TMEM74: variants seen among roughly 807,000 people sequenced by gnomAD.
TMEM74 encodes the protein transmembrane protein 74.
TMEM74 carries 13 observed loss-of-function variants against 18.1 expected under a neutral mutation model. The observed-to-expected ratio is 0.72, with a 90% confidence interval of 0.47 to 1.14. TMEM74 has a LOEUF of 1.14. Ranked by LOEUF, TMEM74 falls within the 50% of genes most tolerant of loss-of-function variation. The pLI is 0.00. For synonymous variants in TMEM74, 159 were observed against 146.6 expected (o/e 1.08, Z -0.61); for missense variants, 372 against 375.9 (o/e 0.99, Z 0.09).
At position 108,784,885 on chromosome 8, in the gene TMEM74, G is replaced by T. The variant is rs1159134815; in HGVS notation, c.214C>A (p.Gln72Lys). Residue 72 changes from glutamine to lysine, a missense_variant, in exon 2 of 2, where the codon CAA becomes AAA. Gln to Lys is a moderately conservative substitution (Grantham distance 53). Transcript: ENST00000297459. ...GCATCTGGCTGAAGAGTACTGTTTT[G>T]CAGAGAGGAGGAGGGGGATGCTGGA... ...SSPASPSSSL[Q>K]NSTLQPDAFP... is the part of the protein sequence containing the mutation. 1 of 1,614,162 alleles carries T rather than the reference G, an allele frequency of 6.2e-7. No homozygotes were observed. Among genetic ancestry groups the T allele is most frequent in the South Asian group, 1.1e-5 (1 of 91,070 alleles).
In TMEM74 at chr8:108,782,037, T is replaced by C. The variant is rs1417754666; in HGVS notation, c.*2144A>G. The stretch of plus-strand genomic sequence containing the variant: ...ATAAATAAAAACTCAGTTGATCTCA[T>C]TTAGCTTCTATGAATAAACATTAGT... On this transcript the variant is annotated 3_prime_UTR_variant, in exon 2 of 2. Coordinates refer to ENST00000297459, the MANE Select transcript of TMEM74 (RefSeq NM_153015.3). Among the ~76,000 whole-genome samples the C allele has an allele frequency of 6.6e-6, 1 of 152,244 alleles. No homozygotes were observed. The highest frequency in any genetic ancestry group is 2.4e-5 in the African/African-American group (1 of 41,466).
intron 1 of TMEM74, among the ~76,000 whole-genome samples, chr8:108,787,230 G>A (rs1189837202): frequency 6.6e-6 from 1 of 152,174 alleles, no homozygotes; most frequent in South Asian, 2.1e-4. Context: ...TGCGCCCTGT[G>A]CGAGCAAAGC....
intron 1 of TMEM74, among the ~76,000 whole-genome samples, chr8:108,727,236 T>C (rs1813647970): frequency 6.6e-6 from 1 of 152,098 alleles, no homozygotes; most frequent in East Asian, 1.9e-4. Context: ...ACAGAAATAA[T>C]GATTTGAGTT....
At chr8:108,759,432 A>G (rs911299357) in intron 1 of TMEM74, among the ~76,000 whole-genome samples, 6 of 152,268 alleles carry the variant, frequency 3.9e-5, no homozygotes, top group African/African-American at 1.4e-4. Context: ...ATAAAAAGGT[A>G]AATATAGAAA....
At chr8:108,702,341 T>TC (rs1215962406) in intron 1 of TMEM74, among the ~76,000 whole-genome samples, 1 of 86,812 alleles carries the variant, frequency 1.2e-5, no homozygotes, top group East Asian at 3.7e-4. Flanking sequence ...TGAGACTCCA[T>TC]CTAAAAAAAA....
chr8:108,672,258 G>GA (rs1813011458), intron 1 of TMEM74, among the ~76,000 whole-genome samples: 1 of 152,070 alleles, frequency 6.6e-6, no homozygotes. Flanking sequence ...AGGAAAAGAA[G>GA]AAAAAATTGT....
At chr8:108,704,324 C>T (rs1813369833) in intron 1 of TMEM74, among the ~76,000 whole-genome samples, 1 of 152,146 alleles carries the variant, frequency 6.6e-6, no homozygotes, top group African/African-American at 2.4e-5. Context: ...CTATTCATCC[C>T]ATGCTTTCAT....
rs779524352 is a variant in TMEM74 at position 108,761,645 on chromosome 8, G to A, written n.119+25831C>T. Among the ~76,000 whole-genome samples, 37 of 152,148 alleles carry A rather than the reference G, an allele frequency of 2.4e-4. 1 individual carries two copies. The highest frequency in any genetic ancestry group is 2.9e-4 in the Non-Finnish European group (20 of 67,978). On this transcript the variant is annotated intron_variant and non_coding_transcript_variant, in intron 1 of 3. Coordinates refer to the TMEM74 transcript ENST00000518838. ...TCAGAGAAGCCACAGGCAAAAATAT[G>A]TTACCCTCTTCCTATTCTCCTATCT...
chr8:108,746,570 C>T (rs1468215545), intron 1 of TMEM74, among the ~76,000 whole-genome samples: 2 of 152,044 alleles, frequency 1.3e-5, no homozygotes, highest in Non-Finnish European at 2.9e-5. Context: ...TAGTTACTGA[C>T]ACAGAGCTCC....
intron 2 of TMEM74, among the ~76,000 whole-genome samples, chr8:108,637,746 A>G (rs1812621630): frequency 6.6e-6 from 1 of 152,170 alleles, no homozygotes; most frequent in South Asian, 2.1e-4. Flanking sequence ...TCTGACCTCT[A>G]GAAATGTAAA....
At chr8:108,670,253 T>C (rs1489998726) in intron 1 of TMEM74, among the ~76,000 whole-genome samples, 1 of 152,198 alleles carries the variant, frequency 6.6e-6, no homozygotes, top group East Asian at 1.9e-4. Flanking sequence ...AGTTCCCCTA[T>C]GAACAAATAG....
chr8:108,695,007 CCT>C (rs1813266338), intron 1 of TMEM74, among the ~76,000 whole-genome samples: 1 of 152,134 alleles, frequency 6.6e-6, no homozygotes, highest in African/African-American at 2.4e-5. Flanking sequence ...AGCTGGTGCC[CCT>C]TTGTCAGGAA....
chr8:108,647,859 A>C (rs1812735556), intron 2 of TMEM74, among the ~76,000 whole-genome samples: 1 of 152,080 alleles, frequency 6.6e-6, no homozygotes, highest in African/African-American at 2.4e-5. Flanking sequence ...GAGAACACTA[A>C]AATAAAGCAC....
intron 1 of TMEM74, among the ~76,000 whole-genome samples, chr8:108,719,700 A>C (rs191740277): frequency 6.6e-6 from 1 of 152,214 alleles, no homozygotes; most frequent in Admixed American, 6.5e-5. Flanking sequence ...TTGAGAGTGG[A>C]GAGGCTAGTG....
chr8:108,621,811 GTAA>G (rs993351535), intron 2 of TMEM74, among the ~76,000 whole-genome samples: 1 of 152,074 alleles, frequency 6.6e-6, no homozygotes, highest in Non-Finnish European at 1.5e-5. Flanking sequence ...AATGAGGATG[GTAA>G]TAATAAAACC....
chr8:108,705,301 G>A (rs1377585205), intron 1 of TMEM74, among the ~76,000 whole-genome samples: 1 of 152,192 alleles, frequency 6.6e-6, no homozygotes, highest in African/African-American at 2.4e-5. Context: ...GAGAAGGAAG[G>A]TTATTTATCT....
chr8:108,708,750 C>A (rs1451204787), intron 1 of TMEM74, among the ~76,000 whole-genome samples: 3 of 128,784 alleles, frequency 2.3e-5, no homozygotes, highest in African/African-American at 9.2e-5. Flanking sequence ...TATTTGCAAA[C>A]CATATACCTA....
At chr8:108,652,283 G>A (rs879825264) in intron 2 of TMEM74, 11 of 156,620 alleles carry the variant, frequency 7.0e-5, no homozygotes, top group Non-Finnish European at 1.1e-4. Flanking sequence ...AGAAAGGGAA[G>A]TAGATGTGTG....
chr8:108,727,713 T>C (rs972422707), intron 1 of TMEM74, among the ~76,000 whole-genome samples: 15 of 152,150 alleles, frequency 9.9e-5, no homozygotes, highest in Admixed American at 9.2e-4. Flanking sequence ...ATATCAATTA[T>C]ATTGAAAGAC....
Sources: allele counts gnomAD v4.1 joint callset (sites outside exome capture counted in the v4.1 genomes callset), GRCh38; gene constraint gnomAD v4.1.1; transcripts MANE v1.5; gene names NCBI Gene and HGNC (gene_info 2026-07-23, HGNC 2026-07-21).